The following FHIT variants were observed in gnomAD, a reference collection of about 807,000 sequenced individuals.
FHIT encodes the protein bis(5'-adenosyl)-triphosphatase.
FHIT carries 19 observed loss-of-function variants against 17.9 expected under a neutral mutation model. The observed-to-expected ratio is 1.06, with a 90% CI of 0.74 to 1.56. The LOEUF is 1.56. Among genes scored for constraint, FHIT ranks in the 40% most tolerant of loss-of-function variants. The probability of loss-of-function intolerance (pLI) is 0.00; values close to 1 mark genes in which losing one functional copy is unlikely to be tolerated. For synonymous variants in FHIT, 81 were observed against 69.7 expected, an observed-to-expected ratio of 1.16 and a Z score of -0.81; for missense variants, 248 against 189.2, an observed-to-expected ratio of 1.31 and a Z score of -1.82.
intron 2 of FHIT, among the ~76,000 whole-genome samples, chr3:61,046,312 C>T (rs2033785365): frequency 6.6e-6 from 1 of 152,094 alleles, no homozygotes; most frequent in African/African-American, 2.4e-5. Context: ...AGGGATATCA[C>T]CACCGATCCC....
At chr3:60,805,130 C>T (rs949652485) in intron 4 of FHIT, among the ~76,000 whole-genome samples, 5 of 152,124 alleles carry the variant, frequency 3.3e-5, no homozygotes, top group Admixed American at 1.3e-4. Context: ...ATGGGGGAAT[C>T]GTTTCTTAAG....
intron 8 of FHIT, among the ~76,000 whole-genome samples, chr3:59,800,498 C>T (rs981064934): frequency 9.2e-5 from 14 of 152,152 alleles, no homozygotes; most frequent in African/African-American, 2.9e-4. Flanking sequence ...CCAAGTGGCC[C>T]GGGCTTTTAC....
intron 2 of FHIT, among the ~76,000 whole-genome samples, chr3:61,189,217 T>G (rs1470755151): frequency 6.6e-6 from 1 of 152,228 alleles, no homozygotes; most frequent in Non-Finnish European, 1.5e-5. Flanking sequence ...CTTAAGCTGA[T>G]AGGTAACTTC....
chr3:60,605,566 CTA>C (rs1553670864), intron 4 of FHIT, among the ~76,000 whole-genome samples: 1 of 152,192 alleles, frequency 6.6e-6, no homozygotes, highest in East Asian at 1.9e-4. Flanking sequence ...CCATTTCTTC[CTA>C]TGTCTTTTCA....
chr3:60,925,695 A>G (rs1187119770), intron 3 of FHIT, among the ~76,000 whole-genome samples: 1 of 152,182 alleles, frequency 6.6e-6, no homozygotes, highest in African/African-American at 2.4e-5. Flanking sequence ...GACAGGATCA[A>G]ATTCACACAT....
At chr3:60,887,783 G>T (rs1329614958) in intron 3 of FHIT, among the ~76,000 whole-genome samples, 3 of 152,148 alleles carry the variant, frequency 2.0e-5, no homozygotes, top group African/African-American at 7.2e-5. Flanking sequence ...CCAGGAATTT[G>T]GTGTGGGGGA....
At chr3:61,100,903 G>C (rs570951903) in intron 2 of FHIT, among the ~76,000 whole-genome samples, 12 of 152,152 alleles carry the variant, frequency 7.9e-5, no homozygotes, top group Non-Finnish European at 1.5e-5. Flanking sequence ...TTTTTGATGG[G>C]TTTGTTTGGC....
chr3:59,818,401 C>T (rs562312415), intron 8 of FHIT, among the ~76,000 whole-genome samples: 1 of 152,078 alleles, frequency 6.6e-6, no homozygotes, highest in African/African-American at 2.4e-5. Flanking sequence ...GAATCTCTAC[C>T]TTTCGCAGAG....
chr3:60,558,315 G>C (rs970488467), intron 4 of FHIT, among the ~76,000 whole-genome samples: 1 of 151,894 alleles, frequency 6.6e-6, no homozygotes, highest in Non-Finnish European at 1.5e-5. Context: ...CCATTCCATG[G>C]CTCAGGCCAG....
intron 4 of FHIT, among the ~76,000 whole-genome samples, chr3:60,725,674 T>C (rs189324523): frequency 6.6e-6 from 1 of 152,298 alleles, no homozygotes; most frequent in Admixed American, 6.5e-5. Context: ...TTTTTTTCTA[T>C]TTTCAGAATA....
chr3:61,048,174 C>G (rs1012913604), intron 2 of FHIT, among the ~76,000 whole-genome samples: 3 of 152,114 alleles, frequency 2.0e-5, no homozygotes, highest in Non-Finnish European at 4.4e-5. Flanking sequence ...AAACCACCAT[C>G]AGAGTGAACA....
chr3:60,360,728 CACA>C (rs1174407229), intron 5 of FHIT, among the ~76,000 whole-genome samples: 1 of 152,186 alleles, frequency 6.6e-6, no homozygotes, highest in Non-Finnish European at 1.5e-5. Flanking sequence ...AAGCCAAATT[CACA>C]ACATCTTCTC....
intron 3 of FHIT, among the ~76,000 whole-genome samples, chr3:60,914,393 A>G (rs1390613634): frequency 1.3e-5 from 2 of 152,190 alleles, no homozygotes; most frequent in Non-Finnish European, 2.9e-5. Context: ...TTATTTAATT[A>G]ATCGTGCACA....
intron 3 of FHIT, among the ~76,000 whole-genome samples, chr3:60,836,960 G>A (rs559314697): frequency 3.3e-5 from 5 of 152,078 alleles, no homozygotes; most frequent in Non-Finnish European, 5.9e-5. Flanking sequence ...ATATTTTCAC[G>A]GGCTGTAGGA....
chr3:59,948,644 G>A (rs1706956557), intron 7 of FHIT, among the ~76,000 whole-genome samples: 1 of 152,146 alleles, frequency 6.6e-6, no homozygotes. Context: ...AGCATCTGGT[G>A]CTGTCATTTT....
intron 8 of FHIT, among the ~76,000 whole-genome samples, chr3:59,903,990 A>G (rs1370092794): frequency 6.6e-6 from 1 of 152,188 alleles, no homozygotes; most frequent in Non-Finnish European, 1.5e-5. Flanking sequence ...CCCAGGAAGT[A>G]TGAGTTAGTT....
intron 2 of FHIT, among the ~76,000 whole-genome samples, chr3:61,061,699 G>T (rs1448321115): frequency 6.6e-6 from 1 of 151,988 alleles, no homozygotes. Flanking sequence ...ACATGACATT[G>T]TCCCTCGGGA....
intron 8 of FHIT, among the ~76,000 whole-genome samples, chr3:59,829,216 A>T (rs1306581880): frequency 6.6e-6 from 1 of 152,126 alleles, no homozygotes; most frequent in East Asian, 1.9e-4. Context: ...TACACAATTA[A>T]TTTTTTCTAG....
chr3:60,543,680 T>C (rs2036258682), intron 4 of FHIT, among the ~76,000 whole-genome samples: 1 of 152,160 alleles, frequency 6.6e-6, no homozygotes, highest in Non-Finnish European at 1.5e-5. Context: ...TACGTTCTTA[T>C]AGCTGGCAAT....
Sources: allele counts gnomAD v4.1 joint callset (sites outside exome capture counted in the v4.1 genomes callset), GRCh38; gene constraint gnomAD v4.1.1; transcripts MANE v1.5; gene names NCBI Gene and HGNC (gene_info 2026-07-23, HGNC 2026-07-21).